RAB31: variants seen among roughly 807,000 people sequenced by gnomAD.
RAB31 encodes the protein ras-related protein Rab-31.
Under a neutral mutation model 25.6 loss-of-function variants are expected in RAB31, and 21 were observed. The observed-to-expected ratio is 0.82, with a 90% CI of 0.58 to 1.18. The LOEUF (loss-of-function observed/expected upper bound fraction) is 1.18, where lower values mean the gene tolerates loss of function less well. Among genes scored for constraint, RAB31 ranks in the 50% most tolerant of loss-of-function variants. The pLI is 0.00. For missense variants in RAB31, 196 were observed against 250.1 expected (o/e 0.78, Z 1.46); for synonymous variants, 87 against 84.0 (o/e 1.04, Z -0.20).
chr18:9,827,832 C>G (rs2068657605), intron 5 of RAB31, among the ~76,000 whole-genome samples: 1 of 152,188 alleles, frequency 6.6e-6, no homozygotes, highest in Admixed American at 6.5e-5. Flanking sequence ...AAGAGACTGT[C>G]TTTTCCTTTG....
chr18:9,754,722 A>AT (rs1173412659), intron 1 of RAB31, among the ~76,000 whole-genome samples: 1 of 152,228 alleles, frequency 6.6e-6, no homozygotes, highest in Admixed American at 6.5e-5. Context: ...TGCAAATACT[A>AT]TAACATTTTA....
At chr18:9,801,700 T>A (rs976877401) in intron 3 of RAB31, among the ~76,000 whole-genome samples, 2 of 152,248 alleles carry the variant, frequency 1.3e-5, no homozygotes, top group African/African-American at 4.8e-5. Context: ...AGTGGAAAAC[T>A]AGCAGTGTGT....
chr18:9,763,582 A>T (rs1033331331), intron 1 of RAB31, among the ~76,000 whole-genome samples: 6 of 132,018 alleles, frequency 4.5e-5, no homozygotes, highest in African/African-American at 1.7e-4. Context: ...TCAGAGAGAT[A>T]GAAAATAAAG....
intron 6 of RAB31, among the ~76,000 whole-genome samples, chr18:9,857,916 G>T (rs2068827455): frequency 1.3e-5 from 2 of 151,980 alleles, no homozygotes; most frequent in South Asian, 4.2e-4. Flanking sequence ...TATAGTCCCA[G>T]CTACTCAGAA....
At chr18:9,857,674 TAG>T (rs778415738) in intron 6 of RAB31, among the ~76,000 whole-genome samples, 268 of 126,412 alleles carry the variant, frequency 2.1e-3, no homozygotes, top group Non-Finnish European at 4.1e-3. Context: ...GATAGATAGA[TAG>T]ATAGATAGAT....
intron 3 of RAB31, among the ~76,000 whole-genome samples, chr18:9,798,168 C>T (rs1055094819): frequency 5.9e-5 from 9 of 152,152 alleles, no homozygotes; most frequent in African/African-American, 1.2e-4. Context: ...TTTGGGATAA[C>T]GATTTCAAAG....
intron 5 of RAB31, among the ~76,000 whole-genome samples, chr18:9,843,987 C>T (rs2068747742): frequency 1.4e-5 from 2 of 143,632 alleles, no homozygotes; most frequent in Admixed American, 1.4e-4. Flanking sequence ...GAGGAAGGGG[C>T]GGGGAGGTGG....
At chr18:9,823,975 G>A (rs989619322) in intron 5 of RAB31, among the ~76,000 whole-genome samples, 7 of 152,290 alleles carry the variant, frequency 4.6e-5, no homozygotes, top group East Asian at 3.9e-4. Flanking sequence ...TGGGGGAATC[G>A]GTTCTTGGTC....
chr18:9,807,613 T>C (rs1371158626), intron 3 of RAB31, among the ~76,000 whole-genome samples: 2 of 152,200 alleles, frequency 1.3e-5, no homozygotes, highest in African/African-American at 2.4e-5. Flanking sequence ...TCTTAAATCA[T>C]TGATTTATTT....
intron 1 of RAB31, chr18:9,725,925 T>A (rs966457226): frequency 1.3e-5 from 2 of 152,194 alleles, no homozygotes; most frequent in Non-Finnish European, 2.9e-5. Flanking sequence ...GACAACAATA[T>A]ATTTGTTTAG....
intron 1 of RAB31, among the ~76,000 whole-genome samples, chr18:9,717,482 C>T (rs1340633296): frequency 6.6e-6 from 1 of 152,172 alleles, no homozygotes; most frequent in African/African-American, 2.4e-5. Flanking sequence ...TCTATTTTCT[C>T]TTCTTTGAAC....
chr18:9,750,585 G>A (rs904550423), intron 1 of RAB31, among the ~76,000 whole-genome samples: 2 of 152,116 alleles, frequency 1.3e-5, no homozygotes, highest in Admixed American at 1.3e-4. Context: ...TGGGCACTGT[G>A]GAAAGGCGCC....
chr18:9,717,926 C>T (rs904927306), intron 1 of RAB31, among the ~76,000 whole-genome samples: 4 of 151,988 alleles, frequency 2.6e-5, no homozygotes, highest in Non-Finnish European at 4.4e-5. Flanking sequence ...TTTTTGAGAC[C>T]GGGTCTTGCC....
At chr18:9,818,406 A>ATTTTTCCTCTAAATT (rs2068609843) in intron 5 of RAB31, among the ~76,000 whole-genome samples, 1 of 152,094 alleles carries the variant, frequency 6.6e-6, no homozygotes, top group African/African-American at 2.4e-5. Context: ...GTAATCACTA[A>ATTTTTCCTCTAAATT]TGTACCTTTT....
chr18:9,731,548 G>C (rs62078924), intron 1 of RAB31, among the ~76,000 whole-genome samples: 25,064 of 149,974 alleles, frequency 0.17, 2,687 homozygotes, highest in Non-Finnish European at 0.25. Context: ...ATCTCACAAG[G>C]TGATTCCTGT....
At chr18:9,732,722 G>A (rs2040916152) in intron 1 of RAB31, among the ~76,000 whole-genome samples, 1 of 152,200 alleles carries the variant, frequency 6.6e-6, no homozygotes, top group African/African-American at 2.4e-5. Flanking sequence ...GCTGGTTGGC[G>A]CTGAACTTTG....
intron 1 of RAB31, among the ~76,000 whole-genome samples, chr18:9,718,606 A>C (rs1161707356): frequency 6.6e-6 from 1 of 152,206 alleles, no homozygotes; most frequent in Non-Finnish European, 1.5e-5. Context: ...TAATTTTTTA[A>C]ATTATCAAGT....
chr18:9,783,932 C>T (rs193071038), intron 2 of RAB31, among the ~76,000 whole-genome samples: 192 of 152,354 alleles, frequency 1.3e-3, no homozygotes, highest in African/African-American at 4.4e-3. Flanking sequence ...AAGGCCATCT[C>T]ATACACCATT....
intron 3 of RAB31, among the ~76,000 whole-genome samples, chr18:9,808,747 C>A (rs768392311): frequency 1.3e-5 from 2 of 152,314 alleles, no homozygotes; most frequent in East Asian, 1.9e-4. Flanking sequence ...AGGGACAGAG[C>A]GTCCTCTGGA....
Sources: gnomAD v4.1 joint callset for allele counts (sites outside exome capture counted in the v4.1 genomes callset) on GRCh38, gnomAD v4.1.1 for gene constraint, MANE v1.5 for transcripts, NCBI Gene and HGNC (gene_info 2026-07-23, HGNC 2026-07-21) for gene names.